Variants in PLEKHG4B observed in about 807,000 individuals in gnomAD.
PLEKHG4B encodes the protein pleckstrin homology and RhoGEF domain containing G4B, also known as pleckstrin homology domain-containing family G member 4B.
A neutral mutation model predicts 121.3 loss-of-function variants in PLEKHG4B; 111 were observed. That is an observed-to-expected ratio of 0.92 (90% CI 0.78 to 1.07). The LOEUF (loss-of-function observed/expected upper bound fraction) is 1.07, where lower values mean the gene tolerates loss of function less well. PLEKHG4B is among the 50% of genes least tolerant of loss of function. The pLI is 0.00. For missense variants in PLEKHG4B, 1,831 were observed against 1,757.8 expected (o/e 1.04, Z -0.74); for synonymous variants, 738 against 725.0 (o/e 1.02, Z -0.29).
chr5:150,681 A>C (rs1735577893), intron 6 of PLEKHG4B, among the ~76,000 whole-genome samples: 1 of 152,234 alleles, frequency 6.6e-6, no homozygotes, highest in Admixed American at 6.5e-5. Flanking sequence ...AATATGCCTA[A>C]CGTCATTAAT....
In PLEKHG4B at chr5:156,065, G is replaced by A. The variant is rs6554829; in HGVS notation, c.2209-6G>A. 0.12 allele frequency: 195,269 copies of A among 1,572,454 alleles called. 14,963 individuals are homozygous for A. Among genetic ancestry groups the A allele is most frequent in the African/African-American group, 0.35 (25,402 of 72,474 alleles). On this transcript the variant is annotated splice_polypyrimidine_tract_variant and splice_region_variant and intron_variant, in intron 9 of 19. Coordinates refer to ENST00000637938, the MANE Select transcript of PLEKHG4B (RefSeq NM_052909.5). This position sits in a 1 kb window ranked among gnomAD's most constrained non-coding sequence, Gnocchi z 4.4. ...TTAAAGGCTTATTCCTCCCCATCCC[G>A]TGCAGGAAGTCGCCGAGTTAATTGA...
chr5:148,412 A>C lies in PLEKHG4B; in HGVS notation c.1906-3101A>C, dbSNP rs76402777. Among the ~76,000 whole-genome samples, 1,199 of 152,276 alleles carry C rather than the reference A, an allele frequency of 7.9e-3. 10 individuals are homozygous for C. The highest frequency in any genetic ancestry group is 0.011 in the Non-Finnish European group (728 of 68,020). On this transcript the variant is annotated intron_variant, in intron 6 of 19. Transcript: ENST00000637938. ...AGCAGGATGCAAAGTCAACACACAA[A>C]TATCAGTCACACTTCTCTATGCTAA...
At chr5:114,260 C>T (rs1186107061) in intron 2 of PLEKHG4B, among the ~76,000 whole-genome samples, 25 of 152,248 alleles carry the variant, frequency 1.6e-4, no homozygotes, top group African/African-American at 6.0e-4. Flanking sequence ...CACATTGACT[C>T]TTCCTTTTAT....
intron 1 of PLEKHG4B, among the ~76,000 whole-genome samples, chr5:110,304 C>T (rs1431737260): frequency 6.7e-6 from 1 of 148,882 alleles, no homozygotes; most frequent in African/African-American, 2.5e-5. Context: ...ACACAATCTG[C>T]AACACACGTG....
intron 2 of PLEKHG4B, among the ~76,000 whole-genome samples, chr5:114,665 C>T (rs1057267262): frequency 6.6e-6 from 1 of 152,142 alleles, no homozygotes; most frequent in African/African-American, 2.4e-5. Flanking sequence ...CCATGTTGGC[C>T]AGGCTGGTCT....
chr5:113,039 C>T lies in PLEKHG4B; in HGVS notation c.46-212C>T, dbSNP rs1468280769. ...ACGGGTCTGCCTAATGCACCTGCCCCTCTGCTGTGTGACAGCACAAGGAGA... is the reference window on the plus strand; with the variant it reads ...ACGGGTCTGCCTAATGCACCTGCCCTTCTGCTGTGTGACAGCACAAGGAGA... On this transcript the variant is annotated intron_variant, in intron 1 of 19. Coordinates refer to ENST00000637938, the MANE Select transcript of PLEKHG4B (RefSeq NM_052909.5). The surrounding 1 kb of genome is among the most constrained non-coding windows in gnomAD (Gnocchi z 5.2). Among the ~76,000 whole-genome samples, 1 of 152,210 alleles carries T rather than the reference C, an allele frequency of 6.6e-6. No homozygotes were observed. The highest frequency in any genetic ancestry group is 1.5e-5 in the Non-Finnish European group (1 of 68,044).
At position 189,609 on chromosome 5, in the gene PLEKHG4B, G is replaced by T. The variant is rs1733731060; in HGVS notation, c.*7286G>T. 6.6e-6 allele frequency: 1 copy of T among 152,254 alleles called. No individual in the cohort carries two copies. Among genetic ancestry groups the T allele is most frequent in the Admixed American group, 6.5e-5 (1 of 15,292 alleles). 9.4% of individuals were successfully genotyped at this position (152,254 alleles called of 1,614,324 possible). The stretch of plus-strand genomic sequence containing the variant: ...CCCAGGTTGGGACGGCGGCGCCAGA[G>T]CTGGGCCTGAGTCTGACCCAACCTG... On this transcript the variant is annotated 3_prime_UTR_variant, in exon 20 of 20. Transcript: ENST00000637938.
chr5:143,091 C>T lies in PLEKHG4B; in HGVS notation c.1522C>T (p.Leu508Phe). 9 of 1,613,162 alleles carry T rather than the reference C, an allele frequency of 5.6e-6. No individual in the cohort carries two copies. The highest frequency in any genetic ancestry group is 1.6e-4 in the Middle Eastern group (1 of 6,062). ...CTGTGTCAGCACAGACGGCGGCAGC[C>T]TCCATTGCCACAACCCCAGCGGGCC... ...SACVSTDGGS[L>F]HCHNPSGPSD... The change falls in exon 4 of 20, where the codon CTC (leucine) becomes TTC (phenylalanine). Residue 508 changes from leucine to phenylalanine, a missense_variant. Physicochemically the swap from Leu to Phe is conservative, Grantham distance 22. Coordinates refer to ENST00000637938, the MANE Select transcript of PLEKHG4B (RefSeq NM_052909.5).
chr5:171,056 G>C lies in PLEKHG4B; in HGVS notation c.3743G>C (p.Gly1248Ala). ...RSFLRHEEQF[G>A]MYVIYSKNKP... is the part of the protein sequence containing the mutation. ...CTGCTTTTCCAGGAAGAGCAGTTTG[G>C]GATGTACGTGATCTACAGCAAAAAC... is the stretch of plus-strand genomic sequence containing the variant. Residue 1248 changes from glycine (G) to alanine (A), a missense_variant, in exon 15 of 20, where the codon GGG (glycine) becomes GCG (alanine). Coordinates refer to ENST00000637938, the MANE Select transcript of PLEKHG4B (RefSeq NM_052909.5). The C allele has an allele frequency of 1.9e-6, 3 of 1,612,326 alleles. No individual in the cohort carries two copies. The highest frequency in any genetic ancestry group is 2.5e-6 in the Non-Finnish European group (3 of 1,179,478).
chr5:129,518 G>A (rs1407105199), intron 2 of PLEKHG4B, among the ~76,000 whole-genome samples: 1 of 152,184 alleles, frequency 6.6e-6, no homozygotes, highest in African/African-American at 2.4e-5. Context: ...TCCCTAAAAT[G>A]TATAAAACCA....
chr5:105,061 G>A (rs895699927), intron 1 of PLEKHG4B, among the ~76,000 whole-genome samples: 57 of 152,108 alleles, frequency 3.7e-4, no homozygotes, highest in African/African-American at 1.4e-3. Flanking sequence ...CACAGTGGGT[G>A]AGGGCTGTTC....
chr5:117,896 G>A (rs1284213034), intron 2 of PLEKHG4B, among the ~76,000 whole-genome samples: 1 of 152,034 alleles, frequency 6.6e-6, no homozygotes, highest in Non-Finnish European at 1.5e-5. Flanking sequence ...GAAAAATATA[G>A]AAACAGGATA....
chr5:168,092 G>A (rs1736411445), intron 13 of PLEKHG4B, among the ~76,000 whole-genome samples: 1 of 152,214 alleles, frequency 6.6e-6, no homozygotes, highest in African/African-American at 2.4e-5. Flanking sequence ...TACGGAGGTA[G>A]TGAGACTTCG....
rs558371500 is a variant in PLEKHG4B at position 156,077 on chromosome 5, G to A, written c.2215G>A (p.Ala739Thr). The A allele has an allele frequency of 3.7e-5, 58 of 1,580,566 alleles. No individual in the cohort carries two copies. The highest frequency in any genetic ancestry group is 9.6e-5 in the African/African-American group (7 of 72,860). The change falls in exon 10 of 20, where the codon GCC (alanine) becomes ACC (threonine). Residue 739 changes from alanine to threonine, a missense_variant. Coordinates refer to ENST00000637938, the MANE Select transcript of PLEKHG4B (RefSeq NM_052909.5). The surrounding 1 kb of genome is among the most constrained non-coding windows in gnomAD (Gnocchi z 4.4). ...TCCTCCCCATCCCGTGCAGGAAGTC[G>A]CCGAGTTAATTGACCAGCATGAGAC... is the stretch of plus-strand genomic sequence containing the variant. ...HRTPRTAQEV[A>T]ELIDQHETMM...
Position 148,200 on chromosome 5 carries a change from T to C in PLEKHG4B, c.1905+3280T>C, listed in dbSNP as rs554652939. Among the ~76,000 whole-genome samples the C allele has an allele frequency of 8.5e-4, 129 of 151,724 alleles. 1 individual carries two copies. The highest frequency in any genetic ancestry group is 3.4e-3 in the Middle Eastern group (1 of 292). ...ATAATGCCCACTTCTATTCAACATA[T>C]TACTGGAAGTTCTAGCTAGAGCAAT... On this transcript the variant is annotated intron_variant, in intron 6 of 19. Coordinates refer to ENST00000637938, the MANE Select transcript of PLEKHG4B (RefSeq NM_052909.5).
In PLEKHG4B at chr5:182,174, C is replaced by T. The variant is rs772925356; in HGVS notation, c.4735C>T (p.Leu1579=). ...GTCCTCCAGCCCAGCCCACCCGGGC[C>T]TATGGAGCCCTGCCCACAGCCCCTG... ...LVSSSPAHPG[L]WSPAHSPWSS... is the part of the protein sequence containing the mutation. Residue 1579 remains leucine, a synonymous_variant, in exon 20 of 20, where the codon CTA becomes TTA. Transcript: ENST00000637938. The T allele has an allele frequency of 3.7e-6, 6 of 1,613,878 alleles. No homozygotes were observed. The African/African-American group carries it at 8.0e-5, about 22-fold the overall frequency.
Position 154,985 on chromosome 5 carries a change from C to G in PLEKHG4B, c.2103C>G (p.Phe701Leu). The change falls in exon 8 of 20, where the codon TTC becomes TTG. Residue 701 changes from phenylalanine to leucine, a missense_variant. By Grantham distance (22) the Phe-to-Leu change is conservative. Coordinates refer to ENST00000637938, the MANE Select transcript of PLEKHG4B (RefSeq NM_052909.5). ...ACAGCCATGGTGACTGGATCTGCTT[C>G]CGTCAGGTAGGTTCAGCCTGCAGCT... ...FPYSHGDWIC[F>L]RQRLEHFAAN... The G allele has an allele frequency of 6.2e-7, 1 of 1,612,168 alleles. No homozygotes were observed. Among genetic ancestry groups the G allele is most frequent in the South Asian group, 1.1e-5 (1 of 91,068 alleles).
intron 7 of PLEKHG4B, among the ~76,000 whole-genome samples, chr5:153,666 C>T (rs1579295438): frequency 1.3e-5 from 2 of 152,112 alleles, no homozygotes; most frequent in African/African-American, 4.8e-5. Context: ...TGCCCATTTT[C>T]TTATTGTTTT....
At position 113,307 on chromosome 5, in the gene PLEKHG4B, G is replaced by A. The variant is rs114036206; in HGVS notation, c.102G>A (p.Pro34=). The change falls in exon 2 of 20, where the codon CCG becomes CCA. Residue 34 remains proline, a synonymous_variant. Coordinates refer to ENST00000637938, the MANE Select transcript of PLEKHG4B (RefSeq NM_052909.5). This position sits in a 1 kb window ranked among gnomAD's most constrained non-coding sequence, Gnocchi z 5.2. ...IQRTLSALYP[P]FEATAATVLW... The stretch of plus-strand genomic sequence containing the variant: ...GGACGCTCTCTGCCTTGTACCCACC[G>A]TTTGAAGCCACGGCAGCCACGGTGC... The A allele has an allele frequency of 3.7e-3, 1,467 of 399,054 alleles. 23 individuals are homozygous for A. The highest frequency in any genetic ancestry group is 0.028 in the African/African-American group (1,357 of 48,720). 24.7% of individuals were successfully genotyped at this position (399,054 alleles called of 1,614,324 possible). A position where few individuals can be genotyped will look rare whatever the true frequency, so the allele number is the denominator to read the frequency against.
Sources: allele counts gnomAD v4.1 joint callset (sites outside exome capture counted in the v4.1 genomes callset), GRCh38; gene constraint gnomAD v4.1.1; non-coding constraint Gnocchi (gnomAD v3.1); transcripts MANE v1.5; gene names NCBI Gene and HGNC (gene_info 2026-07-23, HGNC 2026-07-21).